The following PCCB variants were observed in gnomAD, a reference collection of about 807,000 sequenced individuals.
The protein encoded by PCCB is propionyl-CoA carboxylase subunit beta.
PCCB carries 43 observed loss-of-function variants against 60.7 expected under a neutral mutation model. That is an observed-to-expected ratio of 0.71 (90% confidence interval 0.55 to 0.91). The LOEUF (loss-of-function observed/expected upper bound fraction) is 0.91, where lower values mean the gene tolerates loss of function less well. Ranked by LOEUF, PCCB falls within the 40% of genes least tolerant of loss-of-function variation. The probability of loss-of-function intolerance (pLI) is 0.00; values close to 1 mark genes in which losing one functional copy is unlikely to be tolerated. For missense variants in PCCB, 766 were observed against 702.8 expected (o/e 1.09, Z -1.02); for synonymous variants, 276 against 255.9 (o/e 1.08, Z -0.75).
chr3:136,302,551 A>T lies in PCCB; in HGVS notation c.966+1440A>T, dbSNP rs1251431158. ...ATTTATTTAGGGTTTTATTTTATTTATTTATTTTTATTTTATTTTATTATT... is the reference window on the plus strand; with the variant it reads ...ATTTATTTAGGGTTTTATTTTATTTTTTTATTTTTATTTTATTTTATTATT... On this transcript the variant is annotated intron_variant, in intron 9 of 14. Coordinates refer to ENST00000251654, the MANE Select transcript of PCCB (RefSeq NM_000532.5). Among the ~76,000 whole-genome samples the T allele has an allele frequency of 6.8e-5, 8 of 118,492 alleles. 3 individuals carry two copies. Among genetic ancestry groups the T allele is most frequent in the Non-Finnish European group, 1.5e-4 (8 of 53,382 alleles). 77.7% of individuals were successfully genotyped at this position (118,492 alleles called of 152,430 possible).
intron 6 of PCCB, among the ~76,000 whole-genome samples, chr3:136,286,502 A>G (rs2108186342): frequency 6.6e-6 from 1 of 152,310 alleles, no homozygotes; most frequent in East Asian, 1.9e-4. Context: ...CGCCATTTTA[A>G]ATGGCAGGTC....
chr3:136,255,578 C>G (rs1463404709), intron 1 of PCCB: 4 of 466,430 alleles, frequency 8.6e-6, no homozygotes, highest in Non-Finnish European at 1.6e-5. Context: ...GGGTCAGGTT[C>G]TCCTTATCCC....
At chr3:136,264,440 G>GTATATATATATATATATATATATA (rs370057075) in intron 5 of PCCB, among the ~76,000 whole-genome samples, 1 of 123,782 alleles carries the variant, frequency 8.1e-6, no homozygotes, top group African/African-American at 3.0e-5. Context: ...ATGTGTGTGT[G>GTATATATATATATATATATATATA]TATATATGTA....
At chr3:136,269,623 C>T (rs1192698802) in intron 5 of PCCB, among the ~76,000 whole-genome samples, 8 of 151,764 alleles carry the variant, frequency 5.3e-5, no homozygotes, top group South Asian at 4.2e-4. Flanking sequence ...CGGTGGCTCA[C>T]GCCTGTGATC....
At chr3:136,279,770 C>T (rs1275647986) in intron 5 of PCCB, among the ~76,000 whole-genome samples, 1 of 151,994 alleles carries the variant, frequency 6.6e-6, no homozygotes, top group Non-Finnish European at 1.5e-5. Context: ...CAGGTTCACG[C>T]CATTCTCCTG....
intron 10 of PCCB, among the ~76,000 whole-genome samples, chr3:136,326,099 A>G (rs1173450507): frequency 1.3e-5 from 2 of 152,224 alleles, no homozygotes; most frequent in African/African-American, 2.4e-5. Flanking sequence ...GTCATGAGCC[A>G]CCGCGCCTGG....
chr3:136,327,126 G>A, intron 11 of PCCB, 29 bp from the exon 12 acceptor site: 1 of 1,594,014 alleles, frequency 6.3e-7, no homozygotes, highest in Non-Finnish European at 8.6e-7. Flanking sequence ...AGGACTTGTG[G>A]GTATCTAGTA....
In PCCB at chr3:136,250,557, G is replaced by A. The variant is rs909550005; in HGVS notation, c.182G>A (p.Arg61Gln). 5.0e-6 allele frequency: 8 copies of A among 1,611,618 alleles called. No homozygotes were observed. In the African/African-American group the frequency reaches 5.3e-5, roughly 11 times the overall value. The change falls in exon 1 of 15, where the codon CGA (arginine) becomes CAA (glutamine). Residue 61 changes from arginine to glutamine, a missense_variant and splice_region_variant. Physicochemically the swap from Arg to Gln is conservative, Grantham distance 43 (BLOSUM62 1). Coordinates refer to ENST00000251654, the MANE Select transcript of PCCB (RefSeq NM_000532.5). ...CGCCGTATTGACGCGCAGCACAAGC[G>A]AGTGAGTCCTGAGGGGCCTAAGTGA... Reference protein sequence around the residue: ...GQRRIDAQHKRGKLTARERIS... With the variant: ...GQRRIDAQHKQGKLTARERIS...
At position 136,307,350 on chromosome 3, in the gene PCCB, G is replaced by A; in HGVS notation, c.966+6239G>A. 3.0e-5 allele frequency among the ~76,000 whole-genome samples: 2 copies of A among 65,654 alleles called. 1 individual carries two copies. The highest frequency in any genetic ancestry group is 1.8e-3 in the South Asian group (2 of 1,120). The allele number at this position is 65,654 out of a possible 152,430, so 43.1% of individuals were successfully genotyped here. A position where few individuals can be genotyped will look rare whatever the true frequency, so the allele number is the denominator to read the frequency against. ...AAACAGAAGTGGGGATGAGGGTAGA[G>A]AACAATGTATAAGTACTATATGTTT... On this transcript the variant is annotated intron_variant, in intron 9 of 14. Coordinates refer to ENST00000251654, the MANE Select transcript of PCCB (RefSeq NM_000532.5).
chr3:136,283,127 A>C (rs1006563714), intron 5 of PCCB, among the ~76,000 whole-genome samples: 1 of 152,156 alleles, frequency 6.6e-6, no homozygotes, highest in African/African-American at 2.4e-5. Context: ...AAGTGAACCT[A>C]CTTTTCCTAA....
At chr3:136,300,976 A>G in intron 8 of PCCB, 54 bp from the exon 9 acceptor site, 3 of 1,366,820 alleles carry the variant, frequency 2.2e-6, no homozygotes, top group South Asian at 1.2e-5. Flanking sequence ...CATTCCCACA[A>G]AAGGTAACTG....
intron 5 of PCCB, among the ~76,000 whole-genome samples, chr3:136,269,355 C>T (rs1942124760): frequency 1.3e-5 from 2 of 152,076 alleles, no homozygotes; most frequent in Non-Finnish European, 2.9e-5. Flanking sequence ...TATAGAGATA[C>T]AATTGATTTT....
At chr3:136,285,362 T>C (rs933146836) in intron 6 of PCCB, among the ~76,000 whole-genome samples, 2 of 152,152 alleles carry the variant, frequency 1.3e-5, no homozygotes, top group Non-Finnish European at 2.9e-5. Flanking sequence ...CCTTTCTCTT[T>C]AGTATCTTCA....
intron 7 of PCCB, among the ~76,000 whole-genome samples, chr3:136,297,600 G>A (rs1164029960): frequency 6.6e-6 from 1 of 152,194 alleles, no homozygotes; most frequent in Non-Finnish European, 1.5e-5. Context: ...AGGGAAATAG[G>A]TGATGCAGAG....
At position 136,329,891 on chromosome 3, in the gene PCCB, C is replaced by T. The variant is rs369168852; in HGVS notation, c.1499-14C>T. ...GGATGCAGATGATCCACTCCCTTTTCTGTGCTTCACCAGGGTTTGTGGATG... is the reference window on the plus strand; with the variant it reads ...GGATGCAGATGATCCACTCCCTTTTTTGTGCTTCACCAGGGTTTGTGGATG... On this transcript the variant is annotated splice_polypyrimidine_tract_variant and intron_variant, in intron 14 of 14. Coordinates refer to ENST00000251654, the MANE Select transcript of PCCB (RefSeq NM_000532.5). The T allele has an allele frequency of 2.5e-6, 4 of 1,613,938 alleles. No individual in the cohort carries two copies. The African/African-American group carries it at 5.3e-5, about 22-fold the overall frequency.
At position 136,260,387 on chromosome 3, in the gene PCCB, T is replaced by C. The variant is rs577084166; in HGVS notation, c.373-92T>C. The C allele has an allele frequency of 8.8e-6, 10 of 1,140,602 alleles. No individual in the cohort carries two copies. In the African/African-American group the frequency reaches 9.2e-5, roughly 10 times the overall value. 70.7% of individuals were successfully genotyped at this position (1,140,602 alleles called of 1,614,324 possible). A position where few individuals can be genotyped will look rare whatever the true frequency, so the allele number is the denominator to read the frequency against. ...GCCACCACGCCTGGCCTAAAAACTT[T>C]TATCTGTGAATTTTCTATTTCTTCC... is the stretch of plus-strand genomic sequence containing the variant. On this transcript the variant is annotated intron_variant, in intron 3 of 14. Coordinates refer to ENST00000251654, the MANE Select transcript of PCCB (RefSeq NM_000532.5).
chr3:136,326,554 G>GCA (rs1478959033), intron 10 of PCCB, among the ~76,000 whole-genome samples: 3 of 152,258 alleles, frequency 2.0e-5, no homozygotes, highest in Admixed American at 2.0e-4. Context: ...TCAGCTGGCG[G>GCA]CAGCCCTTTG....
At chr3:136,274,874 T>A (rs558470003) in intron 5 of PCCB, among the ~76,000 whole-genome samples, 7 of 152,126 alleles carry the variant, frequency 4.6e-5, no homozygotes, top group African/African-American at 1.7e-4. Context: ...TTGCCCAGGC[T>A]GTAGTACAGT....
chr3:136,283,325 C>T (rs763436266), intron 5 of PCCB, among the ~76,000 whole-genome samples: 16 of 152,146 alleles, frequency 1.1e-4, no homozygotes, highest in Non-Finnish European at 1.8e-4. Flanking sequence ...CATTCCTTGT[C>T]TGGGGATGGG....
Sources: gnomAD v4.1 joint callset for allele counts (sites outside exome capture counted in the v4.1 genomes callset) on GRCh38, gnomAD v4.1.1 for gene constraint, MANE v1.5 for transcripts, NCBI Gene and HGNC (gene_info 2026-07-23, HGNC 2026-07-21) for gene names.